Variants in ACYP2 observed in about 807,000 individuals in gnomAD.
ACYP2 encodes the protein acylphosphatase-2.
A neutral mutation model predicts 11.2 loss-of-function variants in ACYP2; 12 were observed. That is an observed-to-expected ratio of 1.08 (90% confidence interval 0.69 to 1.74). The LOEUF (loss-of-function observed/expected upper bound fraction) is 1.74, where lower values mean the gene tolerates loss of function less well. ACYP2 is among the 40% of genes most tolerant of loss of function. ACYP2 has a pLI of 0.00. For synonymous variants in ACYP2, 43 were observed against 32.2 expected (o/e 1.33, Z -1.13); for missense variants, 134 against 101.9 (o/e 1.31, Z -1.35).
chr2:54,281,776 A>G (rs1688858878), intron 6 of ACYP2, among the ~76,000 whole-genome samples: 1 of 152,248 alleles, frequency 6.6e-6, no homozygotes, highest in Non-Finnish European at 1.5e-5. Context: ...TACAGATTGT[A>G]GCAACATAGA....
At chr2:54,069,143 C>G (rs2103644582) in intron 4 of ACYP2, among the ~76,000 whole-genome samples, 1 of 152,180 alleles carries the variant, frequency 6.6e-6, no homozygotes, top group Non-Finnish European at 1.5e-5. Context: ...GTTGCCCAGT[C>G]TGGTCTCAAA....
At chr2:54,173,647 T>A (rs1435039497) in intron 6 of ACYP2, among the ~76,000 whole-genome samples, 3 of 152,224 alleles carry the variant, frequency 2.0e-5, no homozygotes, top group Non-Finnish European at 2.9e-5. Context: ...TGTCTAGGTT[T>A]TTTTCTAGGG....
chr2:54,010,754 T>C (rs1673320552), intron 2 of ACYP2, among the ~76,000 whole-genome samples: 1 of 143,144 alleles, frequency 7.0e-6, no homozygotes, highest in Non-Finnish European at 1.5e-5. Context: ...TTTTTTTTTT[T>C]TTTTTTTTTT....
intron 2 of ACYP2, among the ~76,000 whole-genome samples, chr2:54,046,167 CAAAAA>C (rs36114622): frequency 1.8e-5 from 1 of 55,844 alleles, no homozygotes; most frequent in African/African-American, 7.2e-5. Flanking sequence ...CAGACCCTGT[CAAAAA>C]AAAAAAAAAA....
chr2:53,998,147 GT>G (rs1672658746), intron 2 of ACYP2, among the ~76,000 whole-genome samples: 1 of 152,172 alleles, frequency 6.6e-6, no homozygotes, highest in Admixed American at 6.5e-5. Context: ...TAGAAGAGAG[GT>G]CAAGTAGTGT....
chr2:54,076,805 T>G (rs1176001120), intron 4 of ACYP2, among the ~76,000 whole-genome samples: 2 of 152,142 alleles, frequency 1.3e-5, no homozygotes, highest in Admixed American at 6.5e-5. Flanking sequence ...TGGTCAAATA[T>G]AGCTTGCACA....
In ACYP2 at chr2:54,041,385, C is replaced by T. The variant is rs1675218274; in HGVS notation, c.63-9573C>T. The stretch of plus-strand genomic sequence containing the variant: ...TCTATTTTCTCAGTGAAATAGGAAG[C>T]AAGGGCATCAGAATGATGAGGGGAG... On this transcript the variant is annotated intron_variant, in intron 2 of 6. Transcript: ENST00000607452. Among the ~76,000 whole-genome samples, 2 of 152,082 alleles carry T rather than the reference C, an allele frequency of 1.3e-5. 1 individual carries two copies. The highest frequency in any genetic ancestry group is 2.9e-5 in the Non-Finnish European group (2 of 68,018).
Position 54,002,673 on chromosome 2 carries a change from C to T in ACYP2, c.62+28863C>T, listed in dbSNP as rs142438755. ...TTATTTTATTTTATTTTTTTTGAGA[C>T]GGAGTTTCGCTCTTGCTGCCCAGGC... On this transcript the variant is annotated intron_variant, in intron 2 of 6. Transcript: ENST00000607452. Among the ~76,000 whole-genome samples, 39 of 143,446 alleles carry T rather than the reference C, an allele frequency of 2.7e-4. No homozygotes were observed. The East Asian group carries it at 7.2e-3, about 27-fold the overall frequency. The allele number at this position is 143,446 out of a possible 152,430, so 94.1% of individuals were successfully genotyped here.
At chr2:54,183,800 C>T (rs1335624082) in intron 6 of ACYP2, among the ~76,000 whole-genome samples, 1 of 152,062 alleles carries the variant, frequency 6.6e-6, no homozygotes, top group Non-Finnish European at 1.5e-5. Flanking sequence ...AAACTTTAAT[C>T]TATTGAAAAT....
intron 2 of ACYP2, among the ~76,000 whole-genome samples, chr2:53,977,369 G>C (rs1160801255): frequency 6.6e-6 from 1 of 152,050 alleles, no homozygotes; most frequent in East Asian, 1.9e-4. Context: ...AACCTGTGGA[G>C]AGTTCTGTTT....
intron 6 of ACYP2, among the ~76,000 whole-genome samples, chr2:54,265,216 T>A (rs1305799670): frequency 2.0e-5 from 3 of 151,992 alleles, no homozygotes; most frequent in African/African-American, 7.2e-5. Context: ...GACTTACAGT[T>A]CCACGTGGCT....
chr2:54,293,753 T>A (rs992465796), intron 6 of ACYP2, among the ~76,000 whole-genome samples: 2 of 152,184 alleles, frequency 1.3e-5, no homozygotes, highest in Admixed American at 1.3e-4. Flanking sequence ...TGAGGAATCT[T>A]AGGTCTTAGG....
At chr2:54,280,094 G>A (rs531650073) in intron 6 of ACYP2, among the ~76,000 whole-genome samples, 1 of 152,192 alleles carries the variant, frequency 6.6e-6, no homozygotes, top group Admixed American at 6.5e-5. Context: ...ACCATGATAG[G>A]AAAGTTACAA....
chr2:54,162,701 C>A (rs1025040216), intron 6 of ACYP2, among the ~76,000 whole-genome samples: 1 of 152,166 alleles, frequency 6.6e-6, no homozygotes, highest in South Asian at 2.1e-4. Flanking sequence ...CATGGTGGCT[C>A]ACCCCCATAA....
At chr2:54,159,207 C>T (rs7566894) in intron 6 of ACYP2, among the ~76,000 whole-genome samples, 90,856 of 151,432 alleles carry the variant, frequency 0.6, 27,955 homozygotes, top group African/African-American at 0.74. Flanking sequence ...TCAGTCAATA[C>T]TGCCTGAGAT....
chr2:54,060,543 A>G (rs1676414128), intron 4 of ACYP2, among the ~76,000 whole-genome samples: 1 of 152,154 alleles, frequency 6.6e-6, no homozygotes, highest in Non-Finnish European at 1.5e-5. Context: ...GCTTTCCTCA[A>G]ATATCTTATA....
At chr2:54,138,273 G>T (rs991503253) in intron 5 of ACYP2, among the ~76,000 whole-genome samples, 7 of 152,102 alleles carry the variant, frequency 4.6e-5, no homozygotes, top group African/African-American at 1.7e-4. Context: ...GATTGATTAT[G>T]ATTTGGAACC....
chr2:54,092,922 C>T (rs991099207), intron 4 of ACYP2, among the ~76,000 whole-genome samples: 9 of 152,182 alleles, frequency 5.9e-5, no homozygotes, highest in African/African-American at 1.7e-4. Context: ...AGTTGGCTTT[C>T]TAAGTTTATG....
intron 4 of ACYP2, among the ~76,000 whole-genome samples, chr2:54,118,931 C>G (rs1025666191): frequency 6.6e-6 from 1 of 152,046 alleles, no homozygotes; most frequent in Non-Finnish European, 1.5e-5. Flanking sequence ...CTCATTTAAT[C>G]CTCATCCCTG....
Sources: gnomAD v4.1 joint callset for allele counts (sites outside exome capture counted in the v4.1 genomes callset) on GRCh38, gnomAD v4.1.1 for gene constraint, MANE v1.5 for transcripts, NCBI Gene and HGNC (gene_info 2026-07-23, HGNC 2026-07-21) for gene names.